NXPH1: variants seen among roughly 807,000 people sequenced by gnomAD.
The protein encoded by NXPH1 is neurexophilin-1.
Under a neutral mutation model 23.7 loss-of-function variants are expected in NXPH1, and 5 were observed. The observed-to-expected ratio is 0.21, with a 90% CI of 0.11 to 0.44. NXPH1 has a LOEUF of 0.44. Among genes scored for constraint, NXPH1 ranks in the 20% least tolerant of loss-of-function variants. The probability of loss-of-function intolerance (pLI) is 0.99; values close to 1 mark genes in which losing one functional copy is unlikely to be tolerated. For missense variants in NXPH1, 324 were observed against 321.6 expected (o/e 1.01, Z -0.06); for synonymous variants, 144 against 122.2 (o/e 1.18, Z -1.18).
chr7:8,607,191 T>C (rs1819513117), intron 2 of NXPH1, among the ~76,000 whole-genome samples: 1 of 152,168 alleles, frequency 6.6e-6, no homozygotes, highest in South Asian at 2.1e-4. Context: ...ATTTTAAATT[T>C]AGTAGCAATA....
chr7:8,695,660 A>C (rs777783345), intron 2 of NXPH1, among the ~76,000 whole-genome samples: 3 of 152,236 alleles, frequency 2.0e-5, no homozygotes, highest in African/African-American at 4.8e-5. Context: ...CTTCCAACTT[A>C]ACTTCTAATA....
chr7:8,737,206 A>T (rs530386827), intron 2 of NXPH1, among the ~76,000 whole-genome samples: 194 of 152,168 alleles, frequency 1.3e-3, no homozygotes, highest in African/African-American at 4.5e-3. Context: ...CTGTTACTTG[A>T]TGCAGTTTCT....
At chr7:8,588,521 C>G (rs1391312649) in intron 2 of NXPH1, among the ~76,000 whole-genome samples, 1 of 152,068 alleles carries the variant, frequency 6.6e-6, no homozygotes. Context: ...CACAACAGAC[C>G]ACATAACTAC....
intron 2 of NXPH1, among the ~76,000 whole-genome samples, chr7:8,551,437 G>C (rs1818273657): frequency 6.6e-6 from 1 of 151,416 alleles, no homozygotes; most frequent in South Asian, 2.1e-4. Context: ...TTAAAAATGA[G>C]ATATGTGGAA....
chr7:8,492,079 C>T (rs1817256423), intron 2 of NXPH1, among the ~76,000 whole-genome samples: 1 of 152,012 alleles, frequency 6.6e-6, no homozygotes, highest in African/African-American at 2.4e-5. Flanking sequence ...CTCTTGAGTG[C>T]AAGCACAAGG....
chr7:8,483,707 C>T (rs1817111723), intron 2 of NXPH1, among the ~76,000 whole-genome samples: 1 of 152,120 alleles, frequency 6.6e-6, no homozygotes, highest in Admixed American at 6.5e-5. Flanking sequence ...AGAGGCCTGC[C>T]TGTTTGACCT....
At chr7:8,525,315 G>T (rs1437731985) in intron 2 of NXPH1, among the ~76,000 whole-genome samples, 1 of 151,992 alleles carries the variant, frequency 6.6e-6, no homozygotes, top group East Asian at 1.9e-4. Flanking sequence ...AAGCAGCAAA[G>T]CATTCAAGGG....
intron 2 of NXPH1, among the ~76,000 whole-genome samples, chr7:8,483,450 C>A (rs960601758): frequency 3.9e-5 from 6 of 152,076 alleles, no homozygotes; most frequent in Non-Finnish European, 8.8e-5. Context: ...CCCACCTCAG[C>A]CTCCAGAGTA....
At chr7:8,451,284 T>A (rs569441747) in intron 2 of NXPH1, among the ~76,000 whole-genome samples, 33 of 152,162 alleles carry the variant, frequency 2.2e-4, no homozygotes, top group Non-Finnish European at 4.6e-4. Flanking sequence ...TTATTGCAAT[T>A]TGGATAATAA....
chr7:8,572,678 C>T (rs1818671211), intron 2 of NXPH1, among the ~76,000 whole-genome samples: 1 of 151,888 alleles, frequency 6.6e-6, no homozygotes, highest in Non-Finnish European at 1.5e-5. Flanking sequence ...TTGCAGGTAG[C>T]ATCTAATACA....
intron 2 of NXPH1, among the ~76,000 whole-genome samples, chr7:8,633,939 T>G (rs929614534): frequency 1.5e-4 from 23 of 152,202 alleles, no homozygotes; most frequent in African/African-American, 5.5e-4. Context: ...TTTCCTTATT[T>G]ATGAAAACAC....
chr7:8,557,166 C>T (rs1818371305), intron 2 of NXPH1, among the ~76,000 whole-genome samples: 1 of 151,632 alleles, frequency 6.6e-6, no homozygotes, highest in South Asian at 2.1e-4. Context: ...CATACATGTG[C>T]TTATGGGACA....
intron 2 of NXPH1, among the ~76,000 whole-genome samples, chr7:8,544,732 T>C (rs932666209): frequency 9.2e-5 from 14 of 151,800 alleles, no homozygotes; most frequent in African/African-American, 3.4e-4. Flanking sequence ...CATTATGTTA[T>C]GGTATAAAGA....
chr7:8,628,481 G>C (rs1820046292), intron 2 of NXPH1, among the ~76,000 whole-genome samples: 1 of 150,960 alleles, frequency 6.6e-6, no homozygotes. Flanking sequence ...CATTTAAGAG[G>C]AAAGTCAGGG....
At chr7:8,521,193 GT>G (rs1817764798) in intron 2 of NXPH1, among the ~76,000 whole-genome samples, 1 of 152,156 alleles carries the variant, frequency 6.6e-6, no homozygotes, top group South Asian at 2.1e-4. Flanking sequence ...AGACTCTAGA[GT>G]GCTCAGACAA....
rs548616117 is a variant in NXPH1, at chr7:8,662,470, A to G, written c.55-88538A>G. On this transcript the variant is annotated intron_variant, in intron 2 of 2. Transcript: ENST00000405863. ...CCAATATATTTAACTAGAATGAGAA[A>G]ATGTACTTTGACAATTTCAAGCATA... Among the ~76,000 whole-genome samples the G allele has an allele frequency of 3.7e-4, 57 of 152,204 alleles. No individual in the cohort carries two copies. The East Asian group carries it at 7.5e-3, about 20-fold the overall frequency.
At chr7:8,652,567 C>A (rs182150515) in intron 2 of NXPH1, among the ~76,000 whole-genome samples, 24 of 152,238 alleles carry the variant, frequency 1.6e-4, no homozygotes, top group Admixed American at 1.4e-3. Flanking sequence ...TTATTACACA[C>A]AATTTTTGAG....
chr7:8,489,332 C>G (rs752713509), intron 2 of NXPH1, among the ~76,000 whole-genome samples: 1 of 152,040 alleles, frequency 6.6e-6, no homozygotes, highest in Admixed American at 6.6e-5. Flanking sequence ...ATTGAGTTAT[C>G]TGTTCCAGTT....
chr7:8,479,641 A>G (rs1371458098), intron 2 of NXPH1, among the ~76,000 whole-genome samples: 1 of 152,130 alleles, frequency 6.6e-6, no homozygotes, highest in Non-Finnish European at 1.5e-5. Flanking sequence ...GGACTTAGAG[A>G]AATGACTAAT....
Sources: allele counts gnomAD v4.1 joint callset (sites outside exome capture counted in the v4.1 genomes callset), GRCh38; gene constraint gnomAD v4.1.1; transcripts MANE v1.5; gene names NCBI Gene and HGNC (gene_info 2026-07-23, HGNC 2026-07-21).